The following BLTP3B variants were observed in gnomAD, a reference collection of about 807,000 sequenced individuals.
BLTP3B encodes UHRF1 (ICBP90) binding protein 1-like.
chr12:100,047,669 T>G, the BLTP3B span: 1 of 1,449,566 alleles, frequency 6.9e-7, no homozygotes, highest in Non-Finnish European at 9.7e-7. Context: ...ATTGACATGT[T>G]ACTTCATTCG....
At chr12:100,083,979 C>T in the BLTP3B span, among the ~76,000 whole-genome samples, 132 of 152,094 alleles carry the variant, frequency 8.7e-4, 4 homozygotes, top group Admixed American at 8.5e-4. Flanking sequence ...ACTTGAGGTC[C>T]AGAGTTTGAG....
At chr12:100,100,932 G>C in the BLTP3B span, among the ~76,000 whole-genome samples, 1 of 152,012 alleles carries the variant, frequency 6.6e-6, no homozygotes, top group East Asian at 1.9e-4. Context: ...GTCAAAATAT[G>C]AGGATGATTT....
At chr12:100,111,399 T>C in the BLTP3B span, among the ~76,000 whole-genome samples, 1 of 148,596 alleles carries the variant, frequency 6.7e-6, no homozygotes, top group African/African-American at 2.5e-5. Context: ...ACTCAGGTGA[T>C]CCCACCTCAG....
the BLTP3B span, chr12:100,084,452 G>A: frequency 6.3e-7 from 1 of 1,598,010 alleles, no homozygotes; most frequent in Non-Finnish European, 8.5e-7. Context: ...TAATATTAGG[G>A]GAATGCTATT....
chr12:100,045,639 A>T, the BLTP3B span, among the ~76,000 whole-genome samples: 1 of 152,186 alleles, frequency 6.6e-6, no homozygotes, highest in Non-Finnish European at 1.5e-5. Flanking sequence ...TAGAAAACCT[A>T]GGCAATACCA....
chr12:100,094,505 CT>C, the BLTP3B span, among the ~76,000 whole-genome samples: 1 of 152,194 alleles, frequency 6.6e-6, no homozygotes, highest in East Asian at 1.9e-4. Context: ...GTGTTTACCC[CT>C]ACCCCTGCAC....
the BLTP3B span, among the ~76,000 whole-genome samples, chr12:100,135,269 TTTTC>T: frequency 2.1e-5 from 3 of 140,870 alleles, no homozygotes; most frequent in South Asian, 4.3e-4. Context: ...GCTTTCTTTT[TTTTC>T]TTTCTTTCTT....
the BLTP3B span, chr12:100,037,876 T>G: frequency 5.9e-6 from 5 of 841,940 alleles, no homozygotes; most frequent in East Asian, 1.5e-4. Context: ...CTGGTGAGAG[T>G]GCACTTAAGC....
At chr12:100,118,385 G>A in the BLTP3B span, among the ~76,000 whole-genome samples, 18 of 151,012 alleles carry the variant, frequency 1.2e-4, no homozygotes, top group Middle Eastern at 3.2e-3. Flanking sequence ...GAGTGAGACC[G>A]TCTCAAAACA....
At chr12:100,083,690 CAA>C in the BLTP3B span, among the ~76,000 whole-genome samples, 28 of 127,930 alleles carry the variant, frequency 2.2e-4, no homozygotes, top group African/African-American at 2.7e-4. Context: ...ACTGGGCCAG[CAA>C]AAAAAAAAAA....
At chr12:100,069,866 A>C in the BLTP3B span, 2 of 809,050 alleles carry the variant, frequency 2.5e-6, no homozygotes, top group Non-Finnish European at 3.0e-6. Flanking sequence ...GAAATAAAAA[A>C]TTTTTTTAAA....
At chr12:100,079,817 G>C in the BLTP3B span, among the ~76,000 whole-genome samples, 4 of 152,220 alleles carry the variant, frequency 2.6e-5, no homozygotes, top group Non-Finnish European at 5.9e-5. Context: ...GCCAGGCCCA[G>C]GCTCCCTGTG....
At chr12:100,121,935 T>C in the BLTP3B span, among the ~76,000 whole-genome samples, 3 of 151,768 alleles carry the variant, frequency 2.0e-5, no homozygotes, top group Non-Finnish European at 2.9e-5. Flanking sequence ...ATACATACTA[T>C]ATATATACAC....
the BLTP3B span, among the ~76,000 whole-genome samples, chr12:100,050,005 A>G: frequency 3.3e-5 from 5 of 152,186 alleles, no homozygotes; most frequent in African/African-American, 1.2e-4. Context: ...TTCCTATTGA[A>G]GCTCCACACA....
At chr12:100,102,202 C>T in the BLTP3B span, among the ~76,000 whole-genome samples, 4 of 151,926 alleles carry the variant, frequency 2.6e-5, no homozygotes, top group East Asian at 3.9e-4. Context: ...CTCCGCCTCC[C>T]GGGTTCAAGC....
the BLTP3B span, among the ~76,000 whole-genome samples, chr12:100,102,110 CTTT>C: frequency 1.5e-5 from 2 of 135,068 alleles, no homozygotes; most frequent in Non-Finnish European, 1.6e-5. Context: ...CAACTTAACT[CTTT>C]TTTTTTTTTT....
chr12:100,111,741 G>A, the BLTP3B span, among the ~76,000 whole-genome samples: 2 of 152,122 alleles, frequency 1.3e-5, no homozygotes, highest in African/African-American at 4.8e-5. Flanking sequence ...GAGAAGCTGG[G>A]ATGACAGGCA....
the BLTP3B span, among the ~76,000 whole-genome samples, chr12:100,074,719 T>C: frequency 6.6e-6 from 1 of 151,708 alleles, no homozygotes; most frequent in Non-Finnish European, 1.5e-5. Flanking sequence ...AAAATTCATA[T>C]GAAACCCAAA....
chr12:100,056,659 G>A, the BLTP3B span, among the ~76,000 whole-genome samples: 1 of 151,512 alleles, frequency 6.6e-6, no homozygotes, highest in Non-Finnish European at 1.5e-5. Flanking sequence ...CCAACATGAC[G>A]AAACCCCATC....
Sources: allele counts gnomAD v4.1 joint callset (sites outside exome capture counted in the v4.1 genomes callset), GRCh38; gene constraint gnomAD v4.1.1; transcripts MANE v1.5; gene names NCBI Gene and HGNC (gene_info 2026-07-23, HGNC 2026-07-21).